RBFOX1: variants seen among roughly 807,000 people sequenced by gnomAD.
RBFOX1 encodes the protein RNA binding fox-1 homolog 1, also known as RNA binding protein fox-1 homolog 1.
In RBFOX1, 8 loss-of-function variants were observed where a neutral mutation model predicts 57.7. That is an observed-to-expected ratio of 0.14 (90% confidence interval 0.08 to 0.25). The LOEUF is 0.25. Ranked by LOEUF, RBFOX1 falls within the 10% of genes least tolerant of loss-of-function variation. The pLI is 1.00. For synonymous variants in RBFOX1, 326 were observed against 222.4 expected (o/e 1.47, Z -4.15); for missense variants, 611 against 548.5 (o/e 1.11, Z -1.14).
In RBFOX1 at chr16:5,730,863, A is replaced by T. The variant is rs1002547658; in HGVS notation, c.318+131902A>T. ...CATCATTGTCATTATCACTATCATC[A>T]TTGTCATCACCACTATTATCATTGC... On this transcript the variant is annotated intron_variant, in intron 3 of 19. Coordinates refer to the RBFOX1 transcript ENST00000641259. Among the ~76,000 whole-genome samples the T allele has an allele frequency of 3.9e-5, 6 of 151,998 alleles. No individual in the cohort carries two copies. The East Asian group carries it at 1.2e-3, about 29-fold the overall frequency.
At chr16:5,492,954 C>T (rs2042882693) in intron 2 of RBFOX1, among the ~76,000 whole-genome samples, 1 of 152,214 alleles carries the variant, frequency 6.6e-6, no homozygotes, top group South Asian at 2.1e-4. Flanking sequence ...GAGCCTACAC[C>T]AAGATTTGGC....
intron 1 of RBFOX1, among the ~76,000 whole-genome samples, chr16:6,114,331 C>A (rs1237653157): frequency 6.6e-6 from 1 of 152,114 alleles, no homozygotes; most frequent in African/African-American, 2.4e-5. Flanking sequence ...TTATTTCCAT[C>A]TTATGCAATT....
At chr16:7,587,490 G>A (rs1160391248) in intron 7 of RBFOX1, among the ~76,000 whole-genome samples, 190 bp downstream of exon 7, 1 of 151,784 alleles carries the variant, frequency 6.6e-6, no homozygotes, top group Non-Finnish European at 1.5e-5. Flanking sequence ...ATGTATAAGG[G>A]GATAATTTTA....
At chr16:7,501,170 A>G (rs371313250) in intron 4 of RBFOX1, among the ~76,000 whole-genome samples, 2 of 152,300 alleles carry the variant, frequency 1.3e-5, no homozygotes, top group African/African-American at 4.8e-5. Flanking sequence ...TATTTTGATG[A>G]TGGTGATGGA....
At chr16:5,747,550 A>G (rs561977940) in intron 3 of RBFOX1, among the ~76,000 whole-genome samples, 5 of 152,208 alleles carry the variant, frequency 3.3e-5, no homozygotes, top group South Asian at 2.1e-4. Context: ...TATTGCCCCA[A>G]TTTGAGAGCC....
intron 2 of RBFOX1, among the ~76,000 whole-genome samples, chr16:5,553,222 A>G (rs35146469): frequency 0.38 from 57,922 of 151,732 alleles, 11,379 homozygotes; most frequent in Non-Finnish European, 0.42. Context: ...CATGGCACAT[A>G]TATACCTATG....
chr16:7,230,473 A>G (rs1277774430), intron 4 of RBFOX1, among the ~76,000 whole-genome samples: 1 of 152,098 alleles, frequency 6.6e-6, no homozygotes, highest in Non-Finnish European at 1.5e-5. Flanking sequence ...TGTCCTCTCA[A>G]GGGTTTCACA....
intron 14 of RBFOX1, among the ~76,000 whole-genome samples, chr16:7,679,770 C>T (rs919732321): frequency 1.3e-5 from 2 of 152,026 alleles, no homozygotes; most frequent in East Asian, 1.9e-4. Flanking sequence ...CTGATTATCT[C>T]GGAGCAACCT....
At chr16:6,430,889 G>C (rs1176530064) in intron 2 of RBFOX1, among the ~76,000 whole-genome samples, 2 of 151,632 alleles carry the variant, frequency 1.3e-5, no homozygotes, top group East Asian at 1.9e-4. Flanking sequence ...CCAGCACTTT[G>C]GGAGGCTGAG....
intron 1 of RBFOX1, among the ~76,000 whole-genome samples, chr16:6,090,901 A>G (rs1238241549): frequency 2.0e-5 from 3 of 152,230 alleles, no homozygotes; most frequent in Non-Finnish European, 4.4e-5. Flanking sequence ...CTCCAAGAAT[A>G]AAAGCAAAAC....
intron 2 of RBFOX1, among the ~76,000 whole-genome samples, chr16:6,594,608 T>C (rs1468270816): frequency 6.6e-6 from 1 of 152,194 alleles, no homozygotes; most frequent in Non-Finnish European, 1.5e-5. Flanking sequence ...TAGTTTATTA[T>C]TTAAACTACT....
chr16:5,924,119 G>A (rs1379050765), intron 4 of RBFOX1, among the ~76,000 whole-genome samples: 8 of 152,006 alleles, frequency 5.3e-5, no homozygotes, highest in Non-Finnish European at 1.0e-4. Context: ...CACTCATCCC[G>A]TCCTGCTACC....
chr16:5,413,638 C>G (rs1212440191), intron 1 of RBFOX1, among the ~76,000 whole-genome samples: 2 of 152,160 alleles, frequency 1.3e-5, no homozygotes, highest in African/African-American at 2.4e-5. Context: ...TCGTTTAACT[C>G]TCATTACTGA....
chr16:6,231,226 G>A (rs572691343), intron 1 of RBFOX1, among the ~76,000 whole-genome samples: 15 of 95,204 alleles, frequency 1.6e-4, no homozygotes, highest in Middle Eastern at 6.0e-3. Flanking sequence ...TTGTGTGTGT[G>A]TGTGTGTGTG....
intron 4 of RBFOX1, among the ~76,000 whole-genome samples, chr16:7,465,164 A>G (rs1451348227): frequency 3.3e-5 from 5 of 152,134 alleles, no homozygotes; most frequent in Non-Finnish European, 7.3e-5. Context: ...TTCCACCTAG[A>G]ATCCTCCTTT....
intron 3 of RBFOX1, among the ~76,000 whole-genome samples, chr16:5,808,730 T>G (rs994497458): frequency 5.9e-5 from 9 of 152,188 alleles, no homozygotes; most frequent in African/African-American, 9.7e-5. Context: ...TGTCTGTTAT[T>G]GGTGTATAAG....
chr16:6,304,450 C>G (rs1355518458), intron 1 of RBFOX1, among the ~76,000 whole-genome samples: 1 of 152,032 alleles, frequency 6.6e-6, no homozygotes, highest in Non-Finnish European at 1.5e-5. Context: ...GGATTTAGCT[C>G]CAAAGCTACC....
rs976706216 is a variant in RBFOX1, at chr16:6,484,543, T to C, written c.-64+167486T>C. Among the ~76,000 whole-genome samples the C allele has an allele frequency of 4.6e-5, 7 of 152,300 alleles. No homozygotes were observed. In the East Asian group the frequency reaches 7.7e-4, roughly 17 times the overall value. On this transcript the variant is annotated intron_variant, in intron 2 of 15. Transcript: ENST00000550418. Reference sequence around the variant, plus strand: ...TCTCAAGTGATGGAATGAACTGTTATGCATTTATAGAATATATTATATACA... The same window carrying C: ...TCTCAAGTGATGGAATGAACTGTTACGCATTTATAGAATATATTATATACA...
chr16:7,473,375 C>A (rs922565957), intron 4 of RBFOX1, among the ~76,000 whole-genome samples: 1 of 149,022 alleles, frequency 6.7e-6, no homozygotes, highest in African/African-American at 2.5e-5. Context: ...GAGACTTGGT[C>A]TCTCATATAT....
Sources: allele counts gnomAD v4.1 joint callset (sites outside exome capture counted in the v4.1 genomes callset), GRCh38; gene constraint gnomAD v4.1.1; transcripts MANE v1.5; gene names NCBI Gene and HGNC (gene_info 2026-07-23, HGNC 2026-07-21).